RNF217: variants seen among roughly 807,000 people sequenced by gnomAD.
The protein encoded by RNF217 is ring finger protein 217, also known as E3 ubiquitin-protein ligase RNF217.
Under a neutral mutation model 57.8 loss-of-function variants are expected in RNF217, and 31 were observed. The observed-to-expected ratio is 0.54, with a 90% CI of 0.40 to 0.72. The LOEUF (loss-of-function observed/expected upper bound fraction) is 0.72, where lower values mean the gene tolerates loss of function less well. Ranked by LOEUF, RNF217 falls within the 30% of genes least tolerant of loss-of-function variation. RNF217 has a pLI of 0.00. For synonymous variants in RNF217, 313 were observed against 294.0 expected (o/e 1.06, Z -0.66); for missense variants, 696 against 708.3 (o/e 0.98, Z 0.20).
At chr6:125,042,196 A>G (rs1335300103) in intron 1 of RNF217, among the ~76,000 whole-genome samples, 3 of 152,134 alleles carry the variant, frequency 2.0e-5, no homozygotes, top group Admixed American at 6.6e-5. Flanking sequence ...TATTGTTAGT[A>G]TGAAGAAGTA....
intron 3 of RNF217, among the ~76,000 whole-genome samples, chr6:125,065,014 G>A (rs1346088225): frequency 6.6e-6 from 1 of 151,824 alleles, no homozygotes; most frequent in Non-Finnish European, 1.5e-5. Context: ...ATGCAATCAC[G>A]CCGGTAATCC....
chr6:124,966,974 G>T (rs1201152753), intron 1 of RNF217, among the ~76,000 whole-genome samples: 1 of 152,160 alleles, frequency 6.6e-6, no homozygotes, highest in Non-Finnish European at 1.5e-5. Context: ...CATCTTAGTG[G>T]AATAACTTTA....
chr6:125,065,103 G>A (rs146947141), intron 3 of RNF217, among the ~76,000 whole-genome samples: 2,056 of 151,620 alleles, frequency 0.014, 41 homozygotes, highest in African/African-American at 0.046. Flanking sequence ...GTGAAACTCC[G>A]TCTCTACTAA....
chr6:124,962,910 T>C lies in RNF217; in HGVS notation c.366T>C (p.Asp122=). The change falls in exon 1 of 6, where the codon GAT becomes GAC. Residue 122 remains aspartate, a synonymous_variant. Transcript: ENST00000521654. The surrounding 1 kb of genome is among the most constrained non-coding windows in gnomAD (Gnocchi z 4.6). The part of the protein sequence containing the change: ...EEAGDRKEGG[D]EQQEAPPGEE... ...CTGGGGATCGAAAAGAGGGAGGGGA[T>C]GAACAGCAGGAGGCGCCCCCCGGCG... The C allele has an allele frequency of 1.3e-6, 2 of 1,597,838 alleles. No individual in the cohort carries two copies. Among genetic ancestry groups the C allele is most frequent in the Non-Finnish European group, 1.7e-6 (2 of 1,179,586 alleles).
intron 1 of RNF217, among the ~76,000 whole-genome samples, chr6:124,984,586 G>A (rs551794684): frequency 5.3e-5 from 8 of 151,508 alleles, no homozygotes; most frequent in Admixed American, 2.0e-4. Flanking sequence ...AGAGTGGAGG[G>A]GAGGGGACAT....
intron 3 of RNF217, 85 bp downstream of exon 3, chr6:125,058,191 A>C (rs1787595574): frequency 2.6e-5 from 32 of 1,214,298 alleles, no homozygotes; most frequent in Non-Finnish European, 2.2e-6. Context: ...GGGAATTATA[A>C]CTGTCTTAAT....
chr6:124,988,876 A>G (rs1226976694), intron 1 of RNF217, among the ~76,000 whole-genome samples: 3 of 152,220 alleles, frequency 2.0e-5, no homozygotes, highest in South Asian at 4.1e-4. Flanking sequence ...CCGTATCTGT[A>G]TGTCAGTTGA....
chr6:125,030,060 A>G (rs1283470375), intron 1 of RNF217, among the ~76,000 whole-genome samples: 1 of 152,202 alleles, frequency 6.6e-6, no homozygotes, highest in Non-Finnish European at 1.5e-5. Context: ...ACATGGCAGC[A>G]GCAAGAGAAA....
intron 3 of RNF217, among the ~76,000 whole-genome samples, chr6:125,062,319 AG>A (rs1787766576): frequency 6.6e-6 from 1 of 152,076 alleles, no homozygotes; most frequent in Non-Finnish European, 1.5e-5. Context: ...TATTATGAAG[AG>A]ATTTGACTTG....
chr6:125,066,469 C>T (rs1441787677), intron 3 of RNF217, among the ~76,000 whole-genome samples: 1 of 152,158 alleles, frequency 6.6e-6, no homozygotes, highest in Non-Finnish European at 1.5e-5. Context: ...ATTCTCCCTT[C>T]TCAGGATCTC....
At chr6:125,030,274 T>C (rs1179119509) in intron 1 of RNF217, among the ~76,000 whole-genome samples, 2 of 152,156 alleles carry the variant, frequency 1.3e-5, no homozygotes, top group East Asian at 1.9e-4. Flanking sequence ...CATATCATTC[T>C]GCCCCTGGCC....
intron 1 of RNF217, among the ~76,000 whole-genome samples, chr6:125,027,425 G>C (rs1786149419): frequency 6.6e-6 from 1 of 152,070 alleles, no homozygotes; most frequent in African/African-American, 2.4e-5. Context: ...TTCTTTGCCT[G>C]GCTTATTTCA....
intron 1 of RNF217, among the ~76,000 whole-genome samples, chr6:124,985,969 A>G (rs1470553234): frequency 2.6e-5 from 4 of 152,126 alleles, no homozygotes; most frequent in Non-Finnish European, 5.9e-5. Context: ...CCCAAAATTC[A>G]TGTGTTGAAA....
chr6:125,047,962 CAGA>C (rs1216208920), intron 2 of RNF217, among the ~76,000 whole-genome samples: 1 of 151,974 alleles, frequency 6.6e-6, no homozygotes, highest in Non-Finnish European at 1.5e-5. Flanking sequence ...AGATCGATAA[CAGA>C]AGAAGTTAAT....
At chr6:124,984,212 GTA>G (rs1784283327) in intron 1 of RNF217, among the ~76,000 whole-genome samples, 1 of 152,138 alleles carries the variant, frequency 6.6e-6, no homozygotes, top group South Asian at 2.1e-4. Context: ...ACCCACTTGT[GTA>G]TGGGAACTTG....
At chr6:125,019,434 C>G (rs1465023349) in intron 1 of RNF217, among the ~76,000 whole-genome samples, 3 of 152,136 alleles carry the variant, frequency 2.0e-5, no homozygotes, top group Non-Finnish European at 4.4e-5. Context: ...TAATAATCTA[C>G]ATTTAGAATA....
chr6:125,001,051 AC>A (rs1784962555), intron 1 of RNF217, among the ~76,000 whole-genome samples: 1 of 152,102 alleles, frequency 6.6e-6, no homozygotes, highest in South Asian at 2.1e-4. Context: ...ATTATGTTTT[AC>A]TTATTGATTT....
chr6:125,038,342 A>T (rs193267580), intron 1 of RNF217, among the ~76,000 whole-genome samples: 37 of 151,942 alleles, frequency 2.4e-4, no homozygotes, highest in African/African-American at 8.5e-4. Flanking sequence ...ACTTGATACT[A>T]AAAAATTGAC....
intron 1 of RNF217, among the ~76,000 whole-genome samples, chr6:124,998,055 A>G (rs969835852): frequency 3.9e-5 from 6 of 152,076 alleles, no homozygotes; most frequent in Non-Finnish European, 8.8e-5. Flanking sequence ...CAGATTATAT[A>G]TGTTCAGAGC....
Sources: gnomAD v4.1 joint callset for allele counts (sites outside exome capture counted in the v4.1 genomes callset) on GRCh38, gnomAD v4.1.1 for gene constraint, Gnocchi (gnomAD v3.1) non-coding constraint, MANE v1.5 for transcripts, NCBI Gene and HGNC (gene_info 2026-07-23, HGNC 2026-07-21) for gene names.